OAS2: variants seen among roughly 807,000 people sequenced by gnomAD.
The protein encoded by OAS2 is 2'-5'-oligoadenylate synthetase 2, also known as 2'-5'-oligoadenylate synthase 2.
In OAS2, 67 loss-of-function variants were observed where a neutral mutation model predicts 71.3. The observed-to-expected ratio is 0.94, with a 90% CI of 0.77 to 1.15. The LOEUF (loss-of-function observed/expected upper bound fraction) is 1.15, where lower values mean the gene tolerates loss of function less well. OAS2 is among the 50% of genes most tolerant of loss of function. OAS2 has a pLI of 0.00. For synonymous variants in OAS2, 327 were observed against 321.8 expected (o/e 1.02, Z -0.17); for missense variants, 789 against 822.5 (o/e 0.96, Z 0.50).
chr12:113,001,829 C>T (rs758243454), intron 5 of OAS2, among the ~76,000 whole-genome samples: 52 of 139,622 alleles, frequency 3.7e-4, no homozygotes, highest in Non-Finnish European at 3.9e-4. Flanking sequence ...AGTTTGAGAC[C>T]AGCCTGGGGA....
At position 112,978,752 on chromosome 12, in the gene OAS2, C is replaced by T. The variant is rs1336210100; in HGVS notation, c.144C>T (p.Pro48=). The T allele has an allele frequency of 1.9e-6, 3 of 1,613,922 alleles. No homozygotes were observed. Among genetic ancestry groups the T allele is most frequent in the African/African-American group, 1.3e-5 (1 of 75,016 alleles). ...CCATCTGTGACGTCCTGCAGGAACC[C>T]GAACAGTTCCCCCTGGTGCAGGGAG... The part of the protein sequence containing the change: ...VNTICDVLQE[P]EQFPLVQGVA... The change falls in exon 1 of 10, where the codon CCC becomes CCT. Residue 48 remains proline, a synonymous_variant. Transcript: ENST00000392583. The surrounding 1 kb of genome is among the most constrained non-coding windows in gnomAD (Gnocchi z 4.2).
intron 5 of OAS2, among the ~76,000 whole-genome samples, chr12:113,001,477 CATATATACACAT>C (rs1326169769): frequency 2.1e-5 from 3 of 144,288 alleles, no homozygotes; most frequent in Non-Finnish European, 4.6e-5. Flanking sequence ...CATATATACA[CATATATACACAT>C]ATATATACAC....
chr12:113,007,332 G>C (rs566003504), intron 8 of OAS2, among the ~76,000 whole-genome samples: 30 of 152,318 alleles, frequency 2.0e-4, no homozygotes, highest in African/African-American at 6.3e-4. Context: ...GCGTGACCTT[G>C]AGTGAGTCAC....
At chr12:113,006,049 T>C (rs949514691) in intron 7 of OAS2, among the ~76,000 whole-genome samples, 4 of 151,898 alleles carry the variant, frequency 2.6e-5, no homozygotes, top group Non-Finnish European at 2.9e-5. Context: ...GAAAATGTTC[T>C]ATGTCTGGGT....
rs757030998 is a variant in OAS2 at position 112,997,598 on chromosome 12, G to A, written c.706G>A (p.Gly236Arg). ...ELLTVYAWEQGCRKDNFDIAE... is the reference protein window; with the variant it reads ...ELLTVYAWEQRCRKDNFDIAE... ...GCTTACGGTGTATGCCTGGGAACAG[G>A]GGTGCAGAAAAGACAACTTTGACAT... The change falls in exon 4 of 10, where the codon GGG (glycine) becomes AGG (arginine). Residue 236 changes from glycine (G) to arginine (R), a missense_variant. By Grantham distance (125) the Gly-to-Arg change is moderately radical (BLOSUM62 -2). Transcript: ENST00000392583. The A allele has an allele frequency of 5.0e-6, 8 of 1,614,178 alleles. No homozygotes were observed. In the South Asian group the frequency reaches 5.5e-5, roughly 11 times the overall value.
At chr12:112,991,772 A>T (rs1483977495) in intron 2 of OAS2, among the ~76,000 whole-genome samples, 2 of 152,124 alleles carry the variant, frequency 1.3e-5, no homozygotes, top group Admixed American at 6.5e-5. Context: ...GGGCCCCAAG[A>T]TTTATTTTCC....
chr12:113,000,748 C>T (rs1027801367), intron 5 of OAS2, among the ~76,000 whole-genome samples: 4 of 152,268 alleles, frequency 2.6e-5, no homozygotes, highest in Admixed American at 6.5e-5. Flanking sequence ...CACACATGCA[C>T]TCATACCACG....
Position 113,009,318 on chromosome 12 carries a change from G to T in OAS2, c.*63G>T, listed in dbSNP as rs142504221. The stretch of plus-strand genomic sequence containing the variant: ...GAATCAAAGAACTTCTCCTACTGTA[G>T]CAACCTGAAATTAACTCAGACACAA... On this transcript the variant is annotated 3_prime_UTR_variant, in exon 10 of 10. Transcript: ENST00000392583. 44 of 1,573,938 alleles carry T rather than the reference G, an allele frequency of 2.8e-5. 1 individual carries two copies. In the African/African-American group the frequency reaches 4.4e-4, roughly 16 times the overall value.
chr12:112,978,895 G>T lies in OAS2; in HGVS notation c.177+110G>T. On this transcript the variant is annotated intron_variant, in intron 1 of 9. Transcript: ENST00000392583. The surrounding 1 kb of genome is among the most constrained non-coding windows in gnomAD (Gnocchi z 4.2). ...TATTATGTGCGAGGCCCACACTTGGGTGGGATGTGGTGTAGGAGTCTCAGG... is the reference window on the plus strand; with the variant it reads ...TATTATGTGCGAGGCCCACACTTGGTTGGGATGTGGTGTAGGAGTCTCAGG... 1 of 1,029,754 alleles carries T rather than the reference G, an allele frequency of 9.7e-7. No individual in the cohort carries two copies. Among genetic ancestry groups the T allele is most frequent in the Non-Finnish European group, 1.4e-6 (1 of 714,030 alleles). The allele number at this position is 1,029,754 out of a possible 1,614,324, so 63.8% of individuals were successfully genotyped here.
chr12:112,982,353 C>T (rs1450382504), intron 1 of OAS2, among the ~76,000 whole-genome samples: 1 of 151,980 alleles, frequency 6.6e-6, no homozygotes, highest in Non-Finnish European at 1.5e-5. Context: ...CCTTACATGC[C>T]TAATTTGTTG....
At chr12:112,979,584 G>A (rs1024288354) in intron 1 of OAS2, among the ~76,000 whole-genome samples, 2 of 152,170 alleles carry the variant, frequency 1.3e-5, no homozygotes, top group Non-Finnish European at 2.9e-5. Context: ...TTGAGGGCAT[G>A]CATGTTTAAC....
chr12:112,998,259 T>A lies in OAS2; in HGVS notation c.864-7T>A. On this transcript the variant is annotated splice_region_variant and splice_polypyrimidine_tract_variant and intron_variant, in intron 4 of 9. Coordinates refer to ENST00000392583, the MANE Select transcript of OAS2 (RefSeq NM_002535.3). Reference sequence around the variant, plus strand: ...ACTGACTTTTTTTAATCTAATGGAATACACAGGCCAGTAATCTTGGATCCA... The same window carrying A: ...ACTGACTTTTTTTAATCTAATGGAAAACACAGGCCAGTAATCTTGGATCCA... 6.2e-7 allele frequency: 1 copy of A among 1,610,742 alleles called. No individual in the cohort carries two copies. Among genetic ancestry groups the A allele is most frequent in the Non-Finnish European group, 8.5e-7 (1 of 1,178,774 alleles).
At chr12:112,990,638 T>A (rs1412041559) in intron 2 of OAS2, among the ~76,000 whole-genome samples, 2 of 152,240 alleles carry the variant, frequency 1.3e-5, no homozygotes, top group African/African-American at 4.8e-5. Context: ...AGGACACAGC[T>A]TTGCAGGGCC....
intron 5 of OAS2, among the ~76,000 whole-genome samples, chr12:113,001,895 C>G (rs10850111): frequency 7.1e-6 from 1 of 140,044 alleles, no homozygotes; most frequent in African/African-American, 2.7e-5. Flanking sequence ...AAAAGCTAGG[C>G]GTGGTGGCAC....
intron 5 of OAS2, among the ~76,000 whole-genome samples, chr12:113,002,272 C>G (rs372462189): frequency 6.6e-6 from 1 of 152,158 alleles, no homozygotes; most frequent in South Asian, 2.1e-4. Context: ...TCAGGCCAAA[C>G]CAGGTAATGC....
intron 2 of OAS2, chr12:112,987,816 C>G: frequency 1.0e-6 from 1 of 988,588 alleles, no homozygotes; most frequent in Non-Finnish European, 1.2e-6. Flanking sequence ...AGGCAACGAC[C>G]TTCCATAGAT....
At position 113,010,021 on chromosome 12, in the gene OAS2, C is replaced by T; in HGVS notation, c.*766C>T. 1 of 968,166 alleles carries T rather than the reference C, an allele frequency of 1.0e-6. No homozygotes were observed. The allele number at this position is 968,166 out of a possible 1,614,324, so 60.0% of individuals were successfully genotyped here. On this transcript the variant is annotated 3_prime_UTR_variant, in exon 10 of 10. Coordinates refer to ENST00000392583, the MANE Select transcript of OAS2 (RefSeq NM_002535.3). ...TTCTTTGTTTGGAGGCTCTCTTGTG[C>T]ATTGTAGGATGTTGAGCAGCATCTC...
chr12:113,010,015 C>G lies in OAS2; in HGVS notation c.*760C>G, dbSNP rs1461572212. ...AGACAGTTCTTTGTTTGGAGGCTCT[C>G]TTGTGCATTGTAGGATGTTGAGCAG... On this transcript the variant is annotated 3_prime_UTR_variant, in exon 10 of 10. Coordinates refer to ENST00000392583, the MANE Select transcript of OAS2 (RefSeq NM_002535.3). 1.0e-6 allele frequency: 1 copy of G among 971,958 alleles called. No individual in the cohort carries two copies. The highest frequency in any genetic ancestry group is 1.2e-6 in the Non-Finnish European group (1 of 815,376). 60.2% of individuals were successfully genotyped at this position (971,958 alleles called of 1,614,324 possible).
chr12:112,995,165 A>T (rs1036456812), intron 2 of OAS2, 131 bp from the exon 3 acceptor site: 1 of 731,542 alleles, frequency 1.4e-6, no homozygotes, highest in Non-Finnish European at 2.2e-6. Flanking sequence ...ATGTAAAGGT[A>T]CCTGTCCTCT....
Sources: gnomAD v4.1 joint callset for allele counts (sites outside exome capture counted in the v4.1 genomes callset) on GRCh38, gnomAD v4.1.1 for gene constraint, Gnocchi (gnomAD v3.1) non-coding constraint, MANE v1.5 for transcripts, NCBI Gene and HGNC (gene_info 2026-07-23, HGNC 2026-07-21) for gene names.